Variants in DNAAF9 observed in about 807,000 individuals in gnomAD.
DNAAF9 encodes the protein shulin.
DNAAF9 carries 90 observed loss-of-function variants against 167.0 expected under a neutral mutation model. The ratio of observed to expected loss-of-function variants is 0.54; its 90% confidence interval spans 0.45 to 0.64. The LOEUF (loss-of-function observed/expected upper bound fraction) is 0.64. Among genes scored for constraint, DNAAF9 ranks in the 30% least tolerant of loss-of-function variants. The probability of loss-of-function intolerance (pLI) is 0.00; values close to 1 mark genes in which losing one functional copy is unlikely to be tolerated. For missense variants in DNAAF9, 1,315 were observed against 1,442.2 expected, an observed-to-expected ratio of 0.91 and a Z score of 1.43; for synonymous variants, 491 against 508.8, an observed-to-expected ratio of 0.96 and a Z score of 0.47.
intron 7 of DNAAF9, among the ~76,000 whole-genome samples, chr20:3,351,210 G>A (rs968766367): frequency 1.1e-4 from 17 of 152,140 alleles, no homozygotes; most frequent in Non-Finnish European, 5.9e-5. Flanking sequence ...AATTTCAACT[G>A]GGGCAGGTGC....
At chr20:3,294,288 C>A in intron 24 of DNAAF9, 32 bp from the exon 25 acceptor site, 4 of 1,393,480 alleles carry the variant, frequency 2.9e-6, no homozygotes, top group Non-Finnish European at 4.1e-6. Flanking sequence ...TATTATGTTA[C>A]CATCCTAGCC....
At chr20:3,255,430 A>C in intron 34 of DNAAF9, 146 bp from the exon 35 acceptor site, 1 of 596,716 alleles carries the variant, frequency 1.7e-6, no homozygotes, top group Non-Finnish European at 3.1e-6. Context: ...TATTCTGTCT[A>C]GTCTGCTCTT....
chr20:3,404,295 C>G (rs2084026774), intron 1 of DNAAF9, among the ~76,000 whole-genome samples: 1 of 152,178 alleles, frequency 6.6e-6, no homozygotes, highest in Non-Finnish European at 1.5e-5. Flanking sequence ...CTTGGCCTCT[C>G]AAAGTGCTGG....
At chr20:3,268,897 CTTTTTTTTTTTT>C (rs386393120) in intron 30 of DNAAF9, among the ~76,000 whole-genome samples, 7 of 85,850 alleles carry the variant, frequency 8.2e-5, no homozygotes, top group African/African-American at 3.3e-4. Context: ...CTCTATGTTA[CTTTTTTTTTTTT>C]TTTTTTTTTT....
At chr20:3,252,960 C>A (rs2068218906) in intron 36 of DNAAF9, among the ~76,000 whole-genome samples, 1 of 152,256 alleles carries the variant, frequency 6.6e-6, no homozygotes, top group South Asian at 2.1e-4. Context: ...TGTAATTAGG[C>A]TGTCTTCGAC....
chr20:3,394,941 TC>T (rs199500345), intron 1 of DNAAF9, among the ~76,000 whole-genome samples: 26 of 127,018 alleles, frequency 2.0e-4, no homozygotes, highest in South Asian at 1.3e-3. Flanking sequence ...CTGAACATTT[TC>T]TTTTTTCTTT....
chr20:3,373,168 G>A (rs1345667740), intron 6 of DNAAF9, among the ~76,000 whole-genome samples: 1 of 152,242 alleles, frequency 6.6e-6, no homozygotes, highest in Non-Finnish European at 1.5e-5. Flanking sequence ...TTCAGAGGAT[G>A]TGATAGTTCT....
intron 9 of DNAAF9, among the ~76,000 whole-genome samples, chr20:3,340,943 T>C (rs6051762): frequency 0.17 from 25,212 of 152,116 alleles, 2,267 homozygotes; most frequent in Non-Finnish European, 0.19. Flanking sequence ...GATACAGTGA[T>C]AGAGCAAAAC....
rs144261715 is a variant in DNAAF9 at position 3,253,912 on chromosome 20, T to C, written c.3328-93A>G. On this transcript the variant is annotated intron_variant, in intron 35 of 36. Transcript: ENST00000252032. ...AAACAAGTCTATTTCCCTAGCAAGA[T>C]AGACTACTCTGCTATACAGAGGAGC... The C allele has an allele frequency of 2.1e-4, 156 of 754,258 alleles. 1 individual carries two copies. In the East Asian group the frequency reaches 3.5e-3, roughly 17 times the overall value. 46.7% of individuals were successfully genotyped at this position (754,258 alleles called of 1,614,324 possible).
intron 7 of DNAAF9, among the ~76,000 whole-genome samples, chr20:3,354,425 C>A (rs1456054794): frequency 3.3e-5 from 5 of 152,224 alleles, no homozygotes; most frequent in Non-Finnish European, 7.3e-5. Context: ...AGATACTGAA[C>A]TTCAAACAGA....
At chr20:3,264,276 A>G (rs1045867597) in intron 31 of DNAAF9, among the ~76,000 whole-genome samples, 162 bp downstream of exon 31, 13 of 152,212 alleles carry the variant, frequency 8.5e-5, no homozygotes, top group African/African-American at 3.1e-4. Context: ...GGCTCCTGGC[A>G]AGGCCAGCAG....
intron 29 of DNAAF9, among the ~76,000 whole-genome samples, 187 bp downstream of exon 29, chr20:3,278,725 A>G (rs1250885689): frequency 6.6e-6 from 1 of 152,180 alleles, no homozygotes; most frequent in Non-Finnish European, 1.5e-5. Context: ...TCTCAAAAAA[A>G]AGAGACAAGC....
chr20:3,346,124 C>T (rs928144404), intron 8 of DNAAF9, among the ~76,000 whole-genome samples: 1 of 152,158 alleles, frequency 6.6e-6, no homozygotes, highest in Non-Finnish European at 1.5e-5. Flanking sequence ...TACTATTTTT[C>T]ATCTGTGAGA....
intron 29 of DNAAF9, among the ~76,000 whole-genome samples, chr20:3,274,783 T>A (rs532874737): frequency 6.6e-5 from 10 of 152,294 alleles, no homozygotes; most frequent in African/African-American, 2.4e-4. Flanking sequence ...TCCCTGTACA[T>A]AGAGGGGCCT....
chr20:3,372,059 C>A (rs1364855855), intron 6 of DNAAF9, among the ~76,000 whole-genome samples: 1 of 152,200 alleles, frequency 6.6e-6, no homozygotes, highest in African/African-American at 2.4e-5. Flanking sequence ...TGGCACCTAC[C>A]ACATGAGGAA....
At chr20:3,336,479 CATTG>C (rs765395802) in intron 10 of DNAAF9, among the ~76,000 whole-genome samples, 5 of 151,282 alleles carry the variant, frequency 3.3e-5, no homozygotes, top group Non-Finnish European at 5.9e-5. Context: ...TCTTCAAGTT[CATTG>C]ATTCTTTATT....
intron 21 of DNAAF9, among the ~76,000 whole-genome samples, chr20:3,303,705 CCAGA>C (rs2069235155): frequency 6.6e-6 from 1 of 152,208 alleles, no homozygotes; most frequent in Admixed American, 6.5e-5. Flanking sequence ...GTCCTAGCTC[CCAGA>C]CAGACTGGTT....
At chr20:3,330,513 A>T in intron 12 of DNAAF9, 133 bp downstream of exon 12, 1 of 633,144 alleles carries the variant, frequency 1.6e-6, no homozygotes, top group Non-Finnish European at 2.8e-6. Flanking sequence ...AAATGTTGGG[A>T]TTACAGTGTG....
chr20:3,292,885 G>C (rs550937252), intron 25 of DNAAF9, among the ~76,000 whole-genome samples: 1 of 152,046 alleles, frequency 6.6e-6, no homozygotes, highest in East Asian at 1.9e-4. Flanking sequence ...AGGAGCTTGA[G>C]ACCATCCTGG....
Sources: gnomAD v4.1 joint callset for allele counts (sites outside exome capture counted in the v4.1 genomes callset) on GRCh38, gnomAD v4.1.1 for gene constraint, MANE v1.5 for transcripts, NCBI Gene and HGNC (gene_info 2026-07-23, HGNC 2026-07-21) for gene names.